Variants in MIOS observed in about 807,000 individuals in gnomAD.
MIOS encodes meiosis regulator for oocyte development, also known as GATOR2 complex protein MIOS.
MIOS carries 52 observed loss-of-function variants against 96.9 expected under a neutral mutation model. The ratio of observed to expected loss-of-function variants is 0.54; its 90% CI spans 0.43 to 0.68. MIOS has a LOEUF of 0.68. MIOS is among the 30% of genes least tolerant of loss of function. The probability of loss-of-function intolerance (pLI) is 0.00; values close to 1 mark genes in which losing one functional copy is unlikely to be tolerated. For missense variants in MIOS, 1,005 were observed against 1,052.8 expected, an observed-to-expected ratio of 0.95 and a Z score of 0.63; for synonymous variants, 397 against 359.5, an observed-to-expected ratio of 1.10 and a Z score of -1.18.
In MIOS at chr7:7,574,201, GA is replaced by G. The variant is rs1483224477; in HGVS notation, c.1393+9del. On this transcript the variant is annotated splice_donor_region_variant and intron_variant, in intron 5 of 12. Coordinates refer to ENST00000340080, the MANE Select transcript of MIOS (RefSeq NM_019005.4). The stretch of plus-strand genomic sequence containing the variant: ...CAATTGTAAAGTCATCGTTGGGTAA[GA>G]AAATTCTATTTCATTTTCTCCAATA... 6.3e-7 allele frequency: 1 copy of G among 1,584,080 alleles called. No individual in the cohort carries two copies. The highest frequency in any genetic ancestry group is 1.4e-5 in the African/African-American group (1 of 73,812).
At chr7:7,606,656 G>A (rs902970179) in intron 12 of MIOS, among the ~76,000 whole-genome samples, 25 of 152,160 alleles carry the variant, frequency 1.6e-4, no homozygotes, top group African/African-American at 4.8e-4. Flanking sequence ...AAAGTAAAAG[G>A]TATGTGTTTC....
intron 11 of MIOS, among the ~76,000 whole-genome samples, chr7:7,597,774 C>T (rs918171825): frequency 2.6e-5 from 4 of 151,736 alleles, no homozygotes; most frequent in Admixed American, 2.6e-4. Context: ...TCTCGGCTCA[C>T]GGCAACCTCT....
chr7:7,606,676 C>T (rs1317211678), intron 12 of MIOS, among the ~76,000 whole-genome samples: 1 of 152,308 alleles, frequency 6.6e-6, no homozygotes, highest in African/African-American at 2.4e-5. Context: ...CTTAACTTCT[C>T]CCTAAACTTC....
intron 8 of MIOS, among the ~76,000 whole-genome samples, 162 bp from the exon 9 acceptor site, chr7:7,589,243 T>C (rs1421945866): frequency 6.6e-6 from 1 of 152,164 alleles, no homozygotes; most frequent in African/African-American, 2.4e-5. Flanking sequence ...GCTTTGAAAT[T>C]TGTAATAGAT....
chr7:7,572,708 T>C lies in MIOS; in HGVS notation c.233T>C (p.Leu78Pro). Residue 78 changes from leucine (L) to proline (P), a missense_variant, in exon 4 of 13, where the codon CTG becomes CCG. Physicochemically the swap from Leu to Pro is moderately conservative, Grantham distance 98 (BLOSUM62 -3). Coordinates refer to ENST00000340080, the MANE Select transcript of MIOS (RefSeq NM_019005.4). The surrounding 1 kb of genome is among the most constrained non-coding windows in gnomAD (Gnocchi z 4.8). Reference sequence around the variant, plus strand: ...CTTAATTATGATCCTGAATGTCTGCTGGCAGTTGGACAAGCAAATGGTCGA... The same window carrying C: ...CTTAATTATGATCCTGAATGTCTGCCGGCAGTTGGACAAGCAAATGGTCGA... ...WYLNYDPECL[L>P]AVGQANGRVV... 1.9e-6 allele frequency: 3 copies of C among 1,614,226 alleles called. No individual in the cohort carries two copies. Among genetic ancestry groups the C allele is most frequent in the Non-Finnish European group, 2.5e-6 (3 of 1,180,022 alleles).
At chr7:7,584,127 C>T (rs983395906) in intron 6 of MIOS, among the ~76,000 whole-genome samples, 1 of 151,952 alleles carries the variant, frequency 6.6e-6, no homozygotes, top group Non-Finnish European at 1.5e-5. Flanking sequence ...ATTTTGAAAC[C>T]ATTATAGTTT....
chr7:7,585,885 T>C, intron 7 of MIOS, 80 bp downstream of exon 7: 3 of 1,249,618 alleles, frequency 2.4e-6, no homozygotes, highest in Middle Eastern at 2.1e-4. Context: ...TTTTCAAATG[T>C]CTGTTGCATA....
At chr7:7,583,659 A>G (rs182522109) in intron 6 of MIOS, among the ~76,000 whole-genome samples, 3 of 152,028 alleles carry the variant, frequency 2.0e-5, no homozygotes, top group African/African-American at 7.2e-5. Flanking sequence ...TCTTAAAGAT[A>G]GTTCACATAA....
intron 11 of MIOS, 170 bp from the exon 12 acceptor site, chr7:7,605,772 C>T (rs1784512256): frequency 3.8e-6 from 2 of 526,752 alleles, no homozygotes; most frequent in Non-Finnish European, 6.3e-6. Flanking sequence ...TGTAGGGGAG[C>T]TTCTGTCATT....
chr7:7,576,680 CG>C (rs1336257818), intron 5 of MIOS, among the ~76,000 whole-genome samples: 4 of 151,954 alleles, frequency 2.6e-5, no homozygotes, highest in African/African-American at 9.7e-5. Context: ...TCTTGTAAGA[CG>C]GGGAAACAGA....
intron 10 of MIOS, 115 bp downstream of exon 10, chr7:7,595,247 T>A: frequency 1.8e-6 from 2 of 1,136,646 alleles, no homozygotes; most frequent in East Asian, 5.2e-5. Flanking sequence ...TCTTTGTCTT[T>A]TGTAGACTGA....
At chr7:7,590,101 T>C (rs1010562728) in intron 9 of MIOS, among the ~76,000 whole-genome samples, 2 of 152,210 alleles carry the variant, frequency 1.3e-5, no homozygotes, top group Admixed American at 1.3e-4. Flanking sequence ...TGGTAAAATT[T>C]AGAGTATTCT....
At chr7:7,595,570 C>T (rs1784180829) in intron 10 of MIOS, among the ~76,000 whole-genome samples, 1 of 152,028 alleles carries the variant, frequency 6.6e-6, no homozygotes, top group Non-Finnish European at 1.5e-5. Context: ...AGATTGTTGT[C>T]ACATAAGGTA....
rs1783383347 is a variant in MIOS, at chr7:7,572,335, G to T, written c.-40-101G>T. 3 of 549,160 alleles carry T rather than the reference G, an allele frequency of 5.5e-6. No homozygotes were observed. The highest frequency in any genetic ancestry group is 3.6e-5 in the Admixed American group (1 of 27,922). 34.0% of individuals were successfully genotyped at this position (549,160 alleles called of 1,614,324 possible). On this transcript the variant is annotated intron_variant, in intron 3 of 12. Coordinates refer to ENST00000340080, the MANE Select transcript of MIOS (RefSeq NM_019005.4). The surrounding 1 kb of genome is among the most constrained non-coding windows in gnomAD (Gnocchi z 4.8). ...AAATACAAATATATTGAAAAAGAGG[G>T]TTCTTGAATAGAGAATTTTCTGACT...
chr7:7,573,085 A>G lies in MIOS; in HGVS notation c.610A>G (p.Met204Val), dbSNP rs769425510. Residue 204 changes from methionine to valine, a missense_variant, in exon 4 of 13, where the codon ATG (methionine) becomes GTG (valine). Met to Val is a conservative substitution (Grantham distance 21). Transcript: ENST00000340080. The surrounding 1 kb of genome is among the most constrained non-coding windows in gnomAD (Gnocchi z 5.0). ...PRDQKLLLAG[M>V]HRNLAIFDLR... ...AGACCAGAAACTTCTCCTTGCTGGT[A>G]TGCATCGTAACCTAGCTATATTTGA... 2.5e-6 allele frequency: 4 copies of G among 1,614,090 alleles called. No individual in the cohort carries two copies. Among genetic ancestry groups the G allele is most frequent in the South Asian group, 1.1e-5 (1 of 91,078 alleles).
At chr7:7,574,068 A>G in intron 4 of MIOS, 30 bp from the exon 5 acceptor site, 1 of 1,445,620 alleles carries the variant, frequency 6.9e-7, no homozygotes, top group Non-Finnish European at 9.6e-7. Flanking sequence ...ATTGTCATGC[A>G]TCACTAGTAT....
At chr7:7,583,435 T>C in intron 6 of MIOS, 63 bp downstream of exon 6, 2 of 1,442,548 alleles carry the variant, frequency 1.4e-6, no homozygotes, top group South Asian at 3.3e-5. Flanking sequence ...ATGGAATCTT[T>C]TAAAGAAAAG....
chr7:7,606,828 G>A (rs924781163), intron 12 of MIOS, among the ~76,000 whole-genome samples, 168 bp from the exon 13 acceptor site: 19 of 152,184 alleles, frequency 1.2e-4, no homozygotes, highest in African/African-American at 4.3e-4. Context: ...GTGCACACCT[G>A]TAGTCCCAGC....
At chr7:7,589,117 C>T (rs974425918) in intron 8 of MIOS, among the ~76,000 whole-genome samples, 3 of 151,986 alleles carry the variant, frequency 2.0e-5, no homozygotes, top group South Asian at 2.1e-4. Flanking sequence ...GCAAAAATTT[C>T]GCAGAATAAT....
Sources: gnomAD v4.1 joint callset for allele counts (sites outside exome capture counted in the v4.1 genomes callset) on GRCh38, gnomAD v4.1.1 for gene constraint, Gnocchi (gnomAD v3.1) non-coding constraint, MANE v1.5 for transcripts, NCBI Gene and HGNC (gene_info 2026-07-23, HGNC 2026-07-21) for gene names.